STAB1: variants seen among roughly 807,000 people sequenced by gnomAD.
STAB1 encodes stabilin 1.
STAB1 carries 250 observed loss-of-function variants against 332.4 expected under a neutral mutation model. The ratio of observed to expected loss-of-function variants is 0.75; its 90% CI spans 0.68 to 0.84. The LOEUF (loss-of-function observed/expected upper bound fraction) is 0.84. Among genes scored for constraint, STAB1 ranks in the 40% least tolerant of loss-of-function variants. STAB1 has a pLI of 0.00. For missense variants in STAB1, 3,249 were observed against 3,489.7 expected (o/e 0.93, Z 1.74); for synonymous variants, 1,475 against 1,390.4 (o/e 1.06, Z -1.35).
At chr3:52,518,274 G>A (rs1407988434) in intron 45 of STAB1, 38 bp from the exon 46 acceptor site, 1 of 1,608,360 alleles carries the variant, frequency 6.2e-7, no homozygotes, top group African/African-American at 1.3e-5. Context: ...CCCTGAATGG[G>A]GGCCGCCCCA....
At chr3:52,515,186 T>C in intron 36 of STAB1, 141 bp downstream of exon 36, 1 of 1,150,646 alleles carries the variant, frequency 8.7e-7, no homozygotes, top group Non-Finnish European at 1.2e-6. Context: ...GACGTCCCCA[T>C]AGAGGTCTGG....
intron 7 of STAB1, 30 bp downstream of exon 7, chr3:52,503,139 C>A (rs897407180): frequency 2.6e-6 from 4 of 1,549,170 alleles, no homozygotes; most frequent in Non-Finnish European, 3.5e-6. Flanking sequence ...CCAGGGACTT[C>A]AGCTCAGGGC....
chr3:52,520,524 A>G lies in STAB1; in HGVS notation c.5624A>G (p.His1875Arg), dbSNP rs566869214. The G allele has an allele frequency of 1.8e-5, 29 of 1,612,114 alleles. No homozygotes were observed. Among genetic ancestry groups the G allele is most frequent in the Admixed American group, 8.3e-5 (5 of 60,020 alleles). The change falls in exon 53 of 69, where the codon CAC becomes CGC. Residue 1875 changes from histidine (H) to arginine (R), a missense_variant. Transcript: ENST00000321725. The part of the protein sequence containing the change: ...EPPGLGARCD[H>R]FETRPLRLNT... ...CCTGGCCTTGGTGCTCGCTGTGACCACTTTGAGACCCGGCCCCTGCGACTG... is the reference window on the plus strand; with the variant it reads ...CCTGGCCTTGGTGCTCGCTGTGACCGCTTTGAGACCCGGCCCCTGCGACTG...
In STAB1 at chr3:52,516,164, A is replaced by G. The variant is rs1158834560; in HGVS notation, c.4070A>G (p.His1357Arg). 3.1e-6 allele frequency: 5 copies of G among 1,611,794 alleles called. No individual in the cohort carries two copies. In the African/African-American group the frequency reaches 6.7e-5, roughly 22 times the overall value. Residue 1357 changes from histidine to arginine, a missense_variant, in exon 38 of 69, where the codon CAC (histidine) becomes CGC (arginine). Coordinates refer to ENST00000321725, the MANE Select transcript of STAB1 (RefSeq NM_015136.3). ...QDRFLGSGEC[H>R]CHEGFHGTAC... ...AGGTTCCTGGGCAGCGGGGAGTGCC[A>G]CTGCCACGAGGGCTTCCATGGAACG... is the stretch of plus-strand genomic sequence containing the variant.
rs2079096923 is a variant in STAB1 at position 52,522,219 on chromosome 3, A to G, written c.6454A>G (p.Ser2152Gly). ...GGCSEHANCL[S>G]TGLNTRRCEC... is the part of the protein sequence containing the mutation. ...CTGCAGCGAGCACGCCAACTGCTTGAGCACCGGCCTGGTGAGCAGGTGGGG... is the reference window on the plus strand; with the variant it reads ...CTGCAGCGAGCACGCCAACTGCTTGGGCACCGGCCTGGTGAGCAGGTGGGG... The change falls in exon 59 of 69, where the codon AGC becomes GGC. Residue 2152 changes from serine (S) to glycine (G), a missense_variant. Physicochemically the swap from Ser to Gly is moderately conservative, Grantham distance 56. Coordinates refer to ENST00000321725, the MANE Select transcript of STAB1 (RefSeq NM_015136.3). 1.2e-6 allele frequency: 2 copies of G among 1,612,500 alleles called. No homozygotes were observed. Among genetic ancestry groups the G allele is most frequent in the Non-Finnish European group, 1.7e-6 (2 of 1,179,866 alleles).
chr3:52,513,624 C>T, intron 30 of STAB1, 93 bp from the exon 31 acceptor site: 1 of 1,310,496 alleles, frequency 7.6e-7, no homozygotes, highest in Non-Finnish European at 1.1e-6. Flanking sequence ...CCTGTGGGTG[C>T]CTGTGTGCCT....
rs368948262 is a variant in STAB1 at position 52,509,187 on chromosome 3, C to G, written c.2236-23C>G. The G allele has an allele frequency of 2.9e-4, 473 of 1,607,916 alleles. 2 individuals are homozygous for G. Among genetic ancestry groups the G allele is most frequent in the East Asian group, 4.2e-4 (19 of 44,834 alleles). ...AGAGAGTCCCTTTCCCATGACTGAT[C>G]CTGCCTTCTGCTCACTCTCTAGTGC... On this transcript the variant is annotated intron_variant, in intron 21 of 68. Coordinates refer to ENST00000321725, the MANE Select transcript of STAB1 (RefSeq NM_015136.3).
At chr3:52,507,874 C>T (rs186448549) in intron 19 of STAB1, 57 bp from the exon 20 acceptor site, 3 of 1,556,982 alleles carry the variant, frequency 1.9e-6, no homozygotes, top group Non-Finnish European at 2.6e-6. Context: ...GGCTGCCTAG[C>T]AAAGGGGCTG....
chr3:52,500,041 C>A (rs1241194397), intron 1 of STAB1, among the ~76,000 whole-genome samples: 1 of 152,126 alleles, frequency 6.6e-6, no homozygotes, highest in Non-Finnish European at 1.5e-5. Flanking sequence ...CCACTGCACT[C>A]CAGCCAGGGC....
At chr3:52,497,771 T>C (rs964417879) in intron 1 of STAB1, among the ~76,000 whole-genome samples, 12 of 152,068 alleles carry the variant, frequency 7.9e-5, no homozygotes, top group Non-Finnish European at 4.4e-5. Context: ...CTGAGGAGGG[T>C]CCTGGAACCA....
At chr3:52,508,112 C>G in intron 20 of STAB1, 86 bp downstream of exon 20, 1 of 1,430,222 alleles carries the variant, frequency 7.0e-7, no homozygotes, top group East Asian at 2.3e-5. Flanking sequence ...TGAGTGGGCT[C>G]CCTCCCTCAG....
In STAB1 at chr3:52,514,998, G is replaced by A; in HGVS notation, c.3817G>A (p.Val1273Ile). The change falls in exon 36 of 69, where the codon GTA becomes ATA. Residue 1273 changes from valine (V) to isoleucine (I), a missense_variant. Coordinates refer to ENST00000321725, the MANE Select transcript of STAB1 (RefSeq NM_015136.3). ...CCCTTTTTCCCTCTAGGAGAAATGT[G>A]TAAACTGCACCAGGAGATTCCGCTG... ...SHAEALREKCVNCTRRFRCTQ... is the reference protein window; with the variant it reads ...SHAEALREKCINCTRRFRCTQ... 1 of 1,613,568 alleles carries A rather than the reference G, an allele frequency of 6.2e-7. No homozygotes were observed. The highest frequency in any genetic ancestry group is 1.7e-5 in the Admixed American group (1 of 60,022).
At position 52,518,531 on chromosome 3, in the gene STAB1, C is replaced by T. The variant is rs767858073; in HGVS notation, c.4810-5C>T. ...TTCCACTCATGCTGTTGCTGCCTCC[C>T]GCAGGAATATAAGGAGCTCAAGGGC... On this transcript the variant is annotated splice_polypyrimidine_tract_variant and splice_region_variant and intron_variant, in intron 46 of 68. Transcript: ENST00000321725. The T allele has an allele frequency of 5.1e-6, 8 of 1,581,490 alleles. No individual in the cohort carries two copies. In the Admixed American group the frequency reaches 9.1e-5, roughly 18 times the overall value.
intron 43 of STAB1, 25 bp from the exon 44 acceptor site, chr3:52,517,525 C>T: frequency 6.2e-7 from 1 of 1,610,014 alleles, no homozygotes; most frequent in African/African-American, 1.3e-5. Context: ...CTCCCAGCAG[C>T]CCCACTGATC....
In STAB1 at chr3:52,516,336, C is replaced by G; in HGVS notation, c.4145-20C>G. On this transcript the variant is annotated intron_variant, in intron 38 of 68. Coordinates refer to ENST00000321725, the MANE Select transcript of STAB1 (RefSeq NM_015136.3). ...GATGGAGGCACTGGGCAACTCCTATCCTCCTTTATACCACTGCAGTGTGTG... is the reference window on the plus strand; with the variant it reads ...GATGGAGGCACTGGGCAACTCCTATGCTCCTTTATACCACTGCAGTGTGTG... 1 of 1,605,262 alleles carries G rather than the reference C, an allele frequency of 6.2e-7. No individual in the cohort carries two copies. The highest frequency in any genetic ancestry group is 8.5e-7 in the Non-Finnish European group (1 of 1,174,538).
At chr3:52,523,382 C>T (rs1309127863) in intron 64 of STAB1, 41 bp downstream of exon 64, 2 of 1,608,872 alleles carry the variant, frequency 1.2e-6, no homozygotes, top group South Asian at 1.1e-5. Flanking sequence ...CCTGCATTGG[C>T]CATCTCCATC....
rs1476726210 is a variant in STAB1 at position 52,501,996 on chromosome 3, G to A, written c.332-10G>A. ...CTGGGCACAGAGCTGAGTACTGTGG[G>A]GGTCCACAGAATGCCCTGGGGGCGC... On this transcript the variant is annotated splice_polypyrimidine_tract_variant and intron_variant, in intron 3 of 68. Coordinates refer to ENST00000321725, the MANE Select transcript of STAB1 (RefSeq NM_015136.3). The A allele has an allele frequency of 3.7e-6, 6 of 1,611,456 alleles. No homozygotes were observed. The Admixed American group carries it at 8.3e-5, about 22-fold the overall frequency.
intron 44 of STAB1, 115 bp downstream of exon 44, chr3:52,517,739 C>A: frequency 6.4e-7 from 1 of 1,554,052 alleles, no homozygotes; most frequent in Non-Finnish European, 8.7e-7. Context: ...GTGGGCTATC[C>A]TCCCGTCAAG....
rs1434906415 is a variant in STAB1, at chr3:52,519,291, C to T, written c.5062C>T (p.Arg1688Cys). ...CAGCATATACCTCAATGACTTCGCG[C>T]GCGTGGTGAGCAGCGACCATGAGGC... ...EGSIYLNDFARVVSSDHEAVN... is the reference protein window; with the variant it reads ...EGSIYLNDFACVVSSDHEAVN... Residue 1688 changes from arginine (R) to cysteine (C), a missense_variant, in exon 49 of 69, where the codon CGC becomes TGC. Physicochemically the swap from Arg to Cys is radical, Grantham distance 180. Transcript: ENST00000321725. The T allele has an allele frequency of 2.5e-6, 4 of 1,612,988 alleles. No individual in the cohort carries two copies. The highest frequency in any genetic ancestry group is 2.2e-5 in the East Asian group (1 of 44,874).
Sources: gnomAD v4.1 joint callset for allele counts (sites outside exome capture counted in the v4.1 genomes callset) on GRCh38, gnomAD v4.1.1 for gene constraint, MANE v1.5 for transcripts, NCBI Gene and HGNC (gene_info 2026-07-23, HGNC 2026-07-21) for gene names.